The following TNR variants were observed in gnomAD, a reference collection of about 807,000 sequenced individuals.
TNR encodes tenascin R.
TNR carries 45 observed loss-of-function variants against 150.4 expected under a neutral mutation model. That is an observed-to-expected ratio of 0.30 (90% CI 0.24 to 0.38). The LOEUF is 0.38. TNR is among the 10% of genes least tolerant of loss of function. The pLI, the probability that TNR is intolerant of heterozygous loss-of-function variation, is 1.00. For missense variants in TNR, 1,544 were observed against 1,759.1 expected (o/e 0.88, Z 2.19); for synonymous variants, 687 against 678.4 (o/e 1.01, Z -0.20).
At chr1:175,603,092 C>A (rs1663301774) in intron 1 of TNR, among the ~76,000 whole-genome samples, 1 of 152,186 alleles carries the variant, frequency 6.6e-6, no homozygotes, top group South Asian at 2.1e-4. Context: ...AAGTTGGTGT[C>A]AGTAAACGTG....
intron 20 of TNR, among the ~76,000 whole-genome samples, chr1:175,331,157 T>TTC (rs60805347): frequency 2.7e-3 from 299 of 109,286 alleles, no homozygotes; most frequent in South Asian, 4.0e-3. Context: ...CTTTCTTTCT[T>TTC]TTTCTTTCCT....
chr1:175,521,454 A>T (rs1659636457), intron 2 of TNR, among the ~76,000 whole-genome samples: 2 of 152,184 alleles, frequency 1.3e-5, no homozygotes. Flanking sequence ...ACAAAACCCG[A>T]CTGGCTCTGG....
intron 1 of TNR, among the ~76,000 whole-genome samples, chr1:175,704,607 C>T (rs1240826507): frequency 6.6e-6 from 1 of 152,240 alleles, no homozygotes; most frequent in Non-Finnish European, 1.5e-5. Context: ...TCCAGAGATG[C>T]TTTCCCCAAT....
At chr1:175,530,287 C>T (rs950823106) in intron 1 of TNR, among the ~76,000 whole-genome samples, 5 of 152,086 alleles carry the variant, frequency 3.3e-5, no homozygotes, top group Non-Finnish European at 5.9e-5. Flanking sequence ...CCAGAGGGAA[C>T]GTTGGAGGTG....
chr1:175,559,959 A>G (rs1197188705), intron 1 of TNR, among the ~76,000 whole-genome samples: 1 of 152,244 alleles, frequency 6.6e-6, no homozygotes, highest in East Asian at 1.9e-4. Flanking sequence ...ACACTGGTCC[A>G]GGGAAATGAG....
At chr1:175,548,969 A>T (rs926611746) in intron 1 of TNR, among the ~76,000 whole-genome samples, 1 of 152,202 alleles carries the variant, frequency 6.6e-6, no homozygotes, top group Admixed American at 6.5e-5. Context: ...AAAAATCACC[A>T]TGTCCCTGTG....
intron 7 of TNR, among the ~76,000 whole-genome samples, chr1:175,390,302 C>T (rs1653113042): frequency 6.6e-6 from 1 of 152,172 alleles, no homozygotes; most frequent in East Asian, 1.9e-4. Flanking sequence ...TTAAAACTGG[C>T]TTTCTGGTAC....
intron 1 of TNR, among the ~76,000 whole-genome samples, chr1:175,554,221 G>T (rs953761844): frequency 3.3e-5 from 5 of 151,696 alleles, no homozygotes; most frequent in Admixed American, 1.3e-4. Flanking sequence ...AGTCAAAGGT[G>T]CTATCATTTC....
chr1:175,455,772 G>A (rs931816342), intron 2 of TNR, among the ~76,000 whole-genome samples: 1 of 152,186 alleles, frequency 6.6e-6, no homozygotes, highest in Non-Finnish European at 1.5e-5. Context: ...ACTCCCACCT[G>A]GGCTCCTTGT....
At chr1:175,588,011 T>G (rs1662643085) in intron 1 of TNR, among the ~76,000 whole-genome samples, 1 of 152,154 alleles carries the variant, frequency 6.6e-6, no homozygotes, top group African/African-American at 2.4e-5. Context: ...CAGGAGTGAA[T>G]GATCACTTTC....
chr1:175,464,592 C>A (rs1393765036), intron 2 of TNR, among the ~76,000 whole-genome samples: 1 of 152,104 alleles, frequency 6.6e-6, no homozygotes, highest in South Asian at 2.1e-4. Context: ...TTGGATTATT[C>A]CTTAACAATT....
intron 2 of TNR, among the ~76,000 whole-genome samples, chr1:175,512,769 T>A (rs759478812): frequency 6.6e-6 from 1 of 152,232 alleles, no homozygotes; most frequent in East Asian, 1.9e-4. Context: ...CGTGGGTTCC[T>A]GGAAACGCAT....
intron 1 of TNR, among the ~76,000 whole-genome samples, chr1:175,656,812 T>G (rs1252966295): frequency 1.3e-5 from 2 of 152,118 alleles, no homozygotes; most frequent in Admixed American, 1.3e-4. Context: ...CATGTGGTTG[T>G]ATGAGCTTGA....
Position 175,335,768 on chromosome 1 carries a change from G to A in TNR, c.3574C>T (p.Arg1192Trp), listed in dbSNP as rs1571308125. The A allele has an allele frequency of 1.9e-6, 3 of 1,613,740 alleles. No homozygotes were observed. In the African/African-American group the frequency reaches 4.0e-5, roughly 22 times the overall value. ...RRQNGQTDFF[R>W]KWADYRVGFG... ...CCAACACGGTAATCAGCCCATTTCCGGAAAAAATCAGTTTGGCCATTCTGC... is the reference window on the plus strand; with the variant it reads ...CCAACACGGTAATCAGCCCATTTCCAGAAAAAATCAGTTTGGCCATTCTGC... Residue 1192 changes from arginine to tryptophan, a missense_variant, in exon 20 of 23, where the codon CGG (arginine) becomes TGG (tryptophan). Transcript: ENST00000367674.
chr1:175,591,388 T>C (rs1334325246), intron 1 of TNR, among the ~76,000 whole-genome samples: 1 of 152,230 alleles, frequency 6.6e-6, no homozygotes, highest in Non-Finnish European at 1.5e-5. Context: ...CTTGAGACCC[T>C]GGCACTTCAA....
intron 2 of TNR, among the ~76,000 whole-genome samples, chr1:175,409,905 G>A (rs566712471): frequency 6.6e-6 from 1 of 152,278 alleles, no homozygotes; most frequent in Non-Finnish European, 1.5e-5. Flanking sequence ...AATTATATAT[G>A]TCATACATAA....
intron 1 of TNR, among the ~76,000 whole-genome samples, chr1:175,592,397 C>T (rs1442311597): frequency 6.6e-6 from 1 of 152,228 alleles, no homozygotes; most frequent in African/African-American, 2.4e-5. Flanking sequence ...TTTGGCAATG[C>T]CACTTTATGT....
intron 2 of TNR, among the ~76,000 whole-genome samples, chr1:175,515,562 C>A (rs1352522369): frequency 6.6e-6 from 1 of 152,116 alleles, no homozygotes; most frequent in African/African-American, 2.4e-5. Context: ...TTGGGTGTGG[C>A]CAGAATACAG....
chr1:175,473,560 T>G (rs12060150), intron 2 of TNR, among the ~76,000 whole-genome samples: 45,145 of 152,076 alleles, frequency 0.3, 7,899 homozygotes, highest in African/African-American at 0.5. Context: ...CTCAGCCATG[T>G]AGGAAAGCCG....
Sources: allele counts gnomAD v4.1 joint callset (sites outside exome capture counted in the v4.1 genomes callset), GRCh38; gene constraint gnomAD v4.1.1; transcripts MANE v1.5; gene names NCBI Gene and HGNC (gene_info 2026-07-23, HGNC 2026-07-21).